Variants in ABCD3 observed in about 807,000 individuals in gnomAD.
ABCD3 encodes the protein ATP-binding cassette sub-family D member 3.
In ABCD3, 41 loss-of-function variants were observed where a neutral mutation model predicts 105.5. The ratio of observed to expected loss-of-function variants is 0.39; its 90% CI spans 0.30 to 0.50. The LOEUF is 0.50. ABCD3 is among the 20% of genes least tolerant of loss of function. The probability of loss-of-function intolerance (pLI) is 0.84; values close to 1 mark genes in which losing one functional copy is unlikely to be tolerated. For missense variants in ABCD3, 622 were observed against 806.3 expected, an observed-to-expected ratio of 0.77 and a Z score of 2.77; for synonymous variants, 258 against 269.0, an observed-to-expected ratio of 0.96 and a Z score of 0.40.
At position 94,491,241 on chromosome 1, in the gene ABCD3, T is replaced by C. The variant is rs138261691; in HGVS notation, c.1380T>C (p.Asn460=). The C allele has an allele frequency of 4.7e-5, 75 of 1,610,448 alleles. No homozygotes were observed. The African/African-American group carries it at 9.9e-4, about 21-fold the overall frequency. The change falls in exon 16 of 23, where the codon AAT becomes AAC. Residue 460 remains asparagine (N), a synonymous_variant. Transcript: ENST00000370214. ...GAGATGTTTTGATCCGAGACCTTAA[T>C]TTTGAAGTAAGTTTTTAAATGATCA... is the stretch of plus-strand genomic sequence containing the variant. ...PNGDVLIRDL[N]FEVRSGANVL...
intron 1 of ABCD3, among the ~76,000 whole-genome samples, chr1:94,436,391 AAAT>A (rs1183797439): frequency 6.6e-6 from 1 of 152,230 alleles, no homozygotes; most frequent in South Asian, 2.1e-4. Context: ...AGTGTTCTCC[AAAT>A]AATAATACAA....
the ABCD3 span, among the ~76,000 whole-genome samples, chr1:94,393,128 AAAG>A: frequency 0.22 from 32,780 of 151,776 alleles, 4,603 homozygotes; most frequent in Middle Eastern, 0.36. Flanking sequence ...AAATAAATAA[AAAG>A]AAGAAGAAAG....
At chr1:94,505,964 G>A (rs1284350961) in intron 20 of ABCD3, among the ~76,000 whole-genome samples, 2 of 152,122 alleles carry the variant, frequency 1.3e-5, no homozygotes, top group Non-Finnish European at 2.9e-5. Flanking sequence ...ATAAATGTAG[G>A]AAAATGTTCA....
chr1:94,490,419 A>G (rs1649475679), intron 15 of ABCD3, among the ~76,000 whole-genome samples: 1 of 151,970 alleles, frequency 6.6e-6, no homozygotes, highest in Non-Finnish European at 1.5e-5. Context: ...CCCCCTGGCA[A>G]CCACCGTCCT....
intron 1 of ABCD3, among the ~76,000 whole-genome samples, chr1:94,450,461 C>G (rs1420043935): frequency 6.6e-6 from 1 of 152,248 alleles, no homozygotes; most frequent in African/African-American, 2.4e-5. Flanking sequence ...CTGGCCCACC[C>G]AGGGCGGAAA....
intron 12 of ABCD3, 44 bp from the exon 13 acceptor site, chr1:94,487,848 G>A (rs1199206740): frequency 6.8e-6 from 11 of 1,606,690 alleles, no homozygotes; most frequent in South Asian, 6.6e-5. Context: ...CAAATTTTTA[G>A]TCATAGAACT....
chr1:94,465,215 C>T (rs750485316), intron 3 of ABCD3, among the ~76,000 whole-genome samples: 15 of 152,154 alleles, frequency 9.9e-5, no homozygotes, highest in Non-Finnish European at 2.2e-4. Flanking sequence ...AAACACCTCC[C>T]ACCAGGCCCC....
chr1:94,434,771 C>T (rs1659836132), intron 1 of ABCD3, among the ~76,000 whole-genome samples: 1 of 152,078 alleles, frequency 6.6e-6, no homozygotes, highest in Admixed American at 6.5e-5. Flanking sequence ...AACAAAACAC[C>T]CTTTTAACCA....
intron 20 of ABCD3, among the ~76,000 whole-genome samples, chr1:94,503,078 A>C (rs1445682820): frequency 5.3e-5 from 8 of 152,014 alleles, no homozygotes; most frequent in Non-Finnish European, 1.2e-4. Flanking sequence ...AGCTCATCAG[A>C]TATCGTTAGT....
chr1:94,406,242 C>T, the ABCD3 span, among the ~76,000 whole-genome samples: 2 of 150,852 alleles, frequency 1.3e-5, no homozygotes, highest in Non-Finnish European at 2.9e-5. Context: ...TTTATATGCA[C>T]TTGTCTCCAT....
At chr1:94,401,067 C>T in the ABCD3 span, among the ~76,000 whole-genome samples, 13 of 152,200 alleles carry the variant, frequency 8.5e-5, no homozygotes, top group Non-Finnish European at 1.2e-4. Flanking sequence ...CAAGAAAGCT[C>T]TCACCAGATG....
intron 1 of ABCD3, among the ~76,000 whole-genome samples, chr1:94,430,268 T>A (rs1206676206): frequency 7.9e-6 from 1 of 127,272 alleles, no homozygotes; most frequent in Non-Finnish European, 1.9e-5. Flanking sequence ...AGGTCTCAGA[T>A]GAGACTGGAC....
At position 94,464,769 on chromosome 1, in the gene ABCD3, A is replaced by G. The variant is rs1648055291; in HGVS notation, c.148-6A>G. On this transcript the variant is annotated splice_region_variant and splice_polypyrimidine_tract_variant and intron_variant, in intron 2 of 22. Coordinates refer to ENST00000370214, the MANE Select transcript of ABCD3 (RefSeq NM_002858.4). ...ATCTTAAAAGGGCTTCTTTTTTTTAATGCAGAAAGAGGGGAAAAAGGAGCG... is the reference window on the plus strand; with the variant it reads ...ATCTTAAAAGGGCTTCTTTTTTTTAGTGCAGAAAGAGGGGAAAAAGGAGCG... 1 of 1,610,268 alleles carries G rather than the reference A, an allele frequency of 6.2e-7. No homozygotes were observed. The highest frequency in any genetic ancestry group is 1.3e-5 in the African/African-American group (1 of 74,764).
intron 4 of ABCD3, 84 bp from the exon 5 acceptor site, chr1:94,473,682 G>C (rs1247446219): frequency 6.5e-6 from 7 of 1,082,428 alleles, no homozygotes; most frequent in Non-Finnish European, 1.0e-5. Flanking sequence ...GTTTCCAAGA[G>C]TAATTTTAGA....
intron 8 of ABCD3, among the ~76,000 whole-genome samples, chr1:94,479,435 T>A (rs1648927474): frequency 6.6e-6 from 1 of 151,966 alleles, no homozygotes; most frequent in Admixed American, 6.6e-5. Context: ...AGATTTACTT[T>A]TTTTTTTTTA....
the ABCD3 span, among the ~76,000 whole-genome samples, chr1:94,387,037 A>T: frequency 1.9e-3 from 290 of 152,280 alleles, no homozygotes; most frequent in African/African-American, 6.4e-3. Flanking sequence ...TTTTCAGTAG[A>T]TGTGCTCACA....
the ABCD3 span, among the ~76,000 whole-genome samples, chr1:94,410,458 T>C: frequency 1.3e-5 from 2 of 152,332 alleles, no homozygotes; most frequent in East Asian, 1.9e-4. Flanking sequence ...CCTTCTCTTT[T>C]CCCATTCAGA....
intron 4 of ABCD3, among the ~76,000 whole-genome samples, chr1:94,471,499 CAAAA>C (rs76947633): frequency 9.0e-5 from 7 of 78,074 alleles, no homozygotes; most frequent in Admixed American, 1.3e-4. Context: ...TCCTGTCTCA[CAAAA>C]AAAAAAAAAA....
Position 94,445,622 on chromosome 1 carries a change from G to A in ABCD3, c.111-12985G>A, listed in dbSNP as rs1043399573. 3.3e-5 allele frequency among the ~76,000 whole-genome samples: 5 copies of A among 152,298 alleles called. No homozygotes were observed. The East Asian group carries it at 9.6e-4, about 29-fold the overall frequency. ...ACCCCCTCCTTATTTTGAAGAAAAG[G>A]AGTGGCCTGACCCTCCAGATCTTTC... On this transcript the variant is annotated intron_variant, in intron 1 of 22. Coordinates refer to ENST00000370214, the MANE Select transcript of ABCD3 (RefSeq NM_002858.4).
Sources: gnomAD v4.1 joint callset for allele counts (sites outside exome capture counted in the v4.1 genomes callset) on GRCh38, gnomAD v4.1.1 for gene constraint, MANE v1.5 for transcripts, NCBI Gene and HGNC (gene_info 2026-07-23, HGNC 2026-07-21) for gene names.